The following ABRAXAS1 variants were observed in gnomAD, a reference collection of about 807,000 sequenced individuals.
ABRAXAS1 encodes abraxas 1, BRCA1 A complex subunit.
Under a neutral mutation model 38.4 loss-of-function variants are expected in ABRAXAS1, and 26 were observed. The observed-to-expected ratio is 0.68, with a 90% confidence interval of 0.50 to 0.94. ABRAXAS1 has a LOEUF of 0.94. ABRAXAS1 is among the 40% of genes least tolerant of loss of function. The pLI, the probability that ABRAXAS1 is intolerant of heterozygous loss-of-function variation, is 0.00. For missense variants in ABRAXAS1, 438 were observed against 481.9 expected (o/e 0.91, Z 0.85); for synonymous variants, 144 against 165.5 (o/e 0.87, Z 1.00).
At position 83,461,102 on chromosome 4, in the gene ABRAXAS1, TTTAA is replaced by T. The variant is rs746483791; in HGVS notation, c.*1363_*1366del. On this transcript the variant is annotated 3_prime_UTR_variant, in exon 9 of 9. Coordinates refer to ENST00000321945, the MANE Select transcript of ABRAXAS1 (RefSeq NM_139076.3). ...TTGCTCATTATGTTTTGTCAAGAAC[TTTAA>T]TTATCTCTTTACAGGGTTTATGCCA... 31 of 1,613,560 alleles carry T rather than the reference TTTAA, an allele frequency of 1.9e-5. 1 individual carries two copies. Among genetic ancestry groups the T allele is most frequent in the South Asian group, 1.1e-4 (10 of 91,060 alleles).
At chr4:83,478,728 G>GT (rs1722875778) in intron 2 of ABRAXAS1, 1 of 176,912 alleles carries the variant, frequency 5.7e-6, no homozygotes, top group African/African-American at 2.4e-5. Context: ...TGGGTTAAAT[G>GT]TAACTGGTTG....
At chr4:83,464,571 T>G (rs1467596324) in intron 7 of ABRAXAS1, among the ~76,000 whole-genome samples, 1 of 152,218 alleles carries the variant, frequency 6.6e-6, no homozygotes, top group African/African-American at 2.4e-5. Flanking sequence ...CCAGTTTTAG[T>G]GGACACTTTT....
In ABRAXAS1 at chr4:83,459,860, C is replaced by T; in HGVS notation, c.*2609G>A. 4.3e-6 allele frequency: 6 copies of T among 1,401,834 alleles called. No homozygotes were observed. Among genetic ancestry groups the T allele is most frequent in the Non-Finnish European group, 5.9e-6 (6 of 1,018,140 alleles). The allele number at this position is 1,401,834 out of a possible 1,614,324, so 86.8% of individuals were successfully genotyped here. On this transcript the variant is annotated 3_prime_UTR_variant, in exon 9 of 9. Transcript: ENST00000321945. The stretch of plus-strand genomic sequence containing the variant: ...ACGAATTATATCAATCTATTTCTAT[C>T]ATTTAAGAAAACTCAAATTTTCAAA...
At chr4:83,483,277 CTT>C (rs745707908) in intron 1 of ABRAXAS1, among the ~76,000 whole-genome samples, 39 of 136,368 alleles carry the variant, frequency 2.9e-4, no homozygotes, top group Non-Finnish European at 3.0e-4. Context: ...GATTTTATAT[CTT>C]TTTTTTTTTT....
intron 4 of ABRAXAS1, among the ~76,000 whole-genome samples, chr4:83,471,930 A>G (rs1363518518): frequency 6.6e-6 from 1 of 152,216 alleles, no homozygotes; most frequent in Non-Finnish European, 1.5e-5. Context: ...AGAACTGATT[A>G]GGTCACAGAA....
chr4:83,463,989 C>T (rs1722250445), intron 7 of ABRAXAS1: 2 of 153,204 alleles, frequency 1.3e-5, no homozygotes, highest in African/African-American at 4.8e-5. Flanking sequence ...AGTTCGAGAC[C>T]AGCCTGGGCA....
In ABRAXAS1 at chr4:83,484,987, G is replaced by T. The variant is rs755270432; in HGVS notation, c.86C>A (p.Thr29Lys). 3 of 1,582,850 alleles carry T rather than the reference G, an allele frequency of 1.9e-6. No individual in the cohort carries two copies. The highest frequency in any genetic ancestry group is 2.6e-6 in the Non-Finnish European group (3 of 1,164,532). ...ACCCCGCCCCGTCCCTCGGCTCACC[G>T]TGTCCGAGTCCGTGTTGAGGTGCTG... ...AFQHLNTDSD[T>K]EGFLLGEVKG... Residue 29 changes from threonine to lysine, a missense_variant and splice_region_variant, in exon 1 of 9, where the codon ACG (threonine) becomes AAG (lysine). Physicochemically the swap from Thr to Lys is moderately conservative, Grantham distance 78. Coordinates refer to ENST00000321945, the MANE Select transcript of ABRAXAS1 (RefSeq NM_139076.3).
intron 1 of ABRAXAS1, chr4:83,484,118 T>G: frequency 1.0e-6 from 1 of 953,960 alleles, no homozygotes; most frequent in Non-Finnish European, 1.2e-6. Flanking sequence ...TTCACCCGCC[T>G]CGGCTTCCCA....
Position 83,469,106 on chromosome 4 carries a change from A to G in ABRAXAS1, c.522T>C (p.Ser174=), listed in dbSNP as rs567936741. 7.4e-6 allele frequency: 12 copies of G among 1,614,010 alleles called. No individual in the cohort carries two copies. Among genetic ancestry groups the G allele is most frequent in the Middle Eastern group, 1.7e-4 (1 of 6,028 alleles). ...ATACAGTTTTATAACCCAGTTGTTCAGACATGCCCAGATTGGCAACCACTA... is the reference window on the plus strand; with the variant it reads ...ATACAGTTTTATAACCCAGTTGTTCGGACATGCCCAGATTGGCAACCACTA... ...VPLVVANLGM[S]EQLGYKTVSG... Residue 174 remains serine, a synonymous_variant, in exon 6 of 9, where the codon TCT becomes TCC. Transcript: ENST00000321945.
intron 6 of ABRAXAS1, among the ~76,000 whole-genome samples, chr4:83,468,031 G>A (rs1270956069): frequency 6.6e-6 from 1 of 152,112 alleles, no homozygotes; most frequent in Non-Finnish European, 1.5e-5. Context: ...TGCCGGGCGC[G>A]GTGGCTCACG....
At chr4:83,480,409 C>T (rs1205628184) in intron 2 of ABRAXAS1, 2 of 370,326 alleles carry the variant, frequency 5.4e-6, no homozygotes, top group Non-Finnish European at 1.1e-5. Context: ...CATATATATA[C>T]ACACACACAT....
At chr4:83,477,491 TCA>T in intron 2 of ABRAXAS1, 1 of 372,378 alleles carries the variant, frequency 2.7e-6, no homozygotes, top group African/African-American at 2.1e-5. Context: ...TGTGGGAGCC[TCA>T]GTTTCCCAGT....
chr4:83,484,049 G>A (rs1723089016), intron 1 of ABRAXAS1: 2 of 980,016 alleles, frequency 2.0e-6, no homozygotes, highest in South Asian at 4.7e-5. Flanking sequence ...TTTAGATTTT[G>A]TAGAGACCGG....
intron 5 of ABRAXAS1, 60 bp downstream of exon 5, chr4:83,470,140 GTAC>G (rs1310291506): frequency 7.7e-7 from 1 of 1,297,112 alleles, no homozygotes; most frequent in East Asian, 2.4e-5. Context: ...GCTGCAAAAA[GTAC>G]TAAGTATTAG....
At position 83,476,108 on chromosome 4, in the gene ABRAXAS1, G is replaced by A. The variant is rs556032055; in HGVS notation, c.215+535C>T. On this transcript the variant is annotated intron_variant, in intron 3 of 8. Coordinates refer to ENST00000321945, the MANE Select transcript of ABRAXAS1 (RefSeq NM_139076.3). ...CCCAGCTACTTGGGGGGCTGAGGTG[G>A]AGAGGGTCACCTGAGCCCAGAAGGT... 2.4e-4 allele frequency among the ~76,000 whole-genome samples: 36 copies of A among 152,238 alleles called. No individual in the cohort carries two copies. The South Asian group carries it at 7.5e-3, about 32-fold the overall frequency.
At chr4:83,482,100 T>G (rs1723017347) in intron 2 of ABRAXAS1, 54 bp downstream of exon 2, 1 of 1,148,416 alleles carries the variant, frequency 8.7e-7, no homozygotes, top group Non-Finnish European at 1.3e-6. Flanking sequence ...CAGCATAAAC[T>G]ATCAAATATA....
chr4:83,484,204 T>A (rs1044548751), intron 1 of ABRAXAS1: 2 of 985,006 alleles, frequency 2.0e-6, no homozygotes, highest in African/African-American at 3.5e-5. Context: ...AGACGTTATA[T>A]CTTAAAATGA....
chr4:83,462,874 C>T lies in ABRAXAS1; in HGVS notation c.825G>A (p.Gln275=), dbSNP rs916666963. The change falls in exon 9 of 9, where the codon CAG becomes CAA. Residue 275 remains glutamine (Q), a synonymous_variant. Coordinates refer to ENST00000321945, the MANE Select transcript of ABRAXAS1 (RefSeq NM_139076.3). ...AREKNIQKDP[Q]ENIFLCQALR... ...ATGCCTGACAAAGAAAAATGTTCTC[C>T]TGAGGGTCTTTTTGGATGTTCTTCT... 1 of 1,589,006 alleles carries T rather than the reference C, an allele frequency of 6.3e-7. No homozygotes were observed. Among genetic ancestry groups the T allele is most frequent in the African/African-American group, 1.4e-5 (1 of 73,694 alleles).
In ABRAXAS1 at chr4:83,461,513, G is replaced by A. The variant is rs184785302; in HGVS notation, c.*956C>T. On this transcript the variant is annotated 3_prime_UTR_variant, in exon 9 of 9. Transcript: ENST00000321945. ...ATGATTTTCCAACTAGCAAATATAA[G>A]TATGCCTGGTTAAGATATCTTCCCT... 2.4e-5 allele frequency: 8 copies of A among 332,160 alleles called. No individual in the cohort carries two copies. The East Asian group carries it at 3.6e-4, about 15-fold the overall frequency. 20.6% of individuals were successfully genotyped at this position (332,160 alleles called of 1,614,324 possible). A position where few individuals can be genotyped will look rare whatever the true frequency, so the allele number is the denominator to read the frequency against.
Sources: allele counts gnomAD v4.1 joint callset (sites outside exome capture counted in the v4.1 genomes callset), GRCh38; gene constraint gnomAD v4.1.1; transcripts MANE v1.5; gene names NCBI Gene and HGNC (gene_info 2026-07-23, HGNC 2026-07-21).